The following GABRG3 variants were observed in gnomAD, a reference collection of about 807,000 sequenced individuals.
The protein encoded by GABRG3 is gamma-aminobutyric acid type A receptor subunit gamma3.
In GABRG3, 25 loss-of-function variants were observed where a neutral mutation model predicts 48.8. That is an observed-to-expected ratio of 0.51 (90% CI 0.37 to 0.72). The LOEUF (loss-of-function observed/expected upper bound fraction) is 0.72. GABRG3 is among the 30% of genes least tolerant of loss of function. The pLI is 0.00. For missense variants in GABRG3, 394 were observed against 577.9 expected, an observed-to-expected ratio of 0.68 and a Z score of 3.26; for synonymous variants, 227 against 217.6, an observed-to-expected ratio of 1.04 and a Z score of -0.38.
intron 6 of GABRG3, among the ~76,000 whole-genome samples, chr15:27,483,492 TC>T (rs1890146503): frequency 6.6e-6 from 1 of 152,206 alleles, no homozygotes; most frequent in Non-Finnish European, 1.5e-5. Flanking sequence ...GGGTTAGGAC[TC>T]TAACATCTTC....
intron 3 of GABRG3, among the ~76,000 whole-genome samples, chr15:27,139,673 A>G (rs1047283663): frequency 1.3e-5 from 2 of 152,152 alleles, no homozygotes; most frequent in Non-Finnish European, 2.9e-5. Flanking sequence ...TATAAAACAT[A>G]TATTTGGTCT....
intron 5 of GABRG3, among the ~76,000 whole-genome samples, chr15:27,395,275 T>C (rs1272878751): frequency 6.6e-6 from 1 of 152,214 alleles, no homozygotes; most frequent in Non-Finnish European, 1.5e-5. Flanking sequence ...TCATTTGCTA[T>C]ATTATACTTT....
intron 3 of GABRG3, among the ~76,000 whole-genome samples, chr15:27,153,220 A>G (rs563125984): frequency 6.6e-6 from 1 of 152,266 alleles, no homozygotes; most frequent in South Asian, 2.1e-4. Context: ...TTGCTTATGA[A>G]TATCTCATTA....
At chr15:27,086,116 G>T (rs1418563304) in intron 3 of GABRG3, among the ~76,000 whole-genome samples, 4 of 139,512 alleles carry the variant, frequency 2.9e-5, no homozygotes, top group East Asian at 2.1e-4. Context: ...AGTTTTGGCA[G>T]TTTTTTTTTT....
chr15:27,196,373 T>C (rs981083056), intron 3 of GABRG3, among the ~76,000 whole-genome samples: 1 of 152,206 alleles, frequency 6.6e-6, no homozygotes, highest in Non-Finnish European at 1.5e-5. Context: ...CCCGACTTGC[T>C]GTCTGCTCAA....
intron 7 of GABRG3, among the ~76,000 whole-genome samples, chr15:27,525,841 A>G (rs1566879534): frequency 6.6e-6 from 1 of 152,168 alleles, no homozygotes; most frequent in South Asian, 2.1e-4. Context: ...AAAAGAGCTA[A>G]TGCATGCTGG....
At chr15:27,255,805 G>C (rs1890593076) in intron 3 of GABRG3, among the ~76,000 whole-genome samples, 1 of 152,156 alleles carries the variant, frequency 6.6e-6, no homozygotes, top group Admixed American at 6.5e-5. Flanking sequence ...CTTCAGGGTG[G>C]GCAGGTTCTG....
At chr15:27,244,651 C>G (rs1377325824) in intron 3 of GABRG3, among the ~76,000 whole-genome samples, 2 of 152,052 alleles carry the variant, frequency 1.3e-5, no homozygotes, top group Non-Finnish European at 2.9e-5. Flanking sequence ...GTGGTTGTGG[C>G]GTGTTCCTGT....
intron 3 of GABRG3, among the ~76,000 whole-genome samples, chr15:27,200,628 C>A (rs1888651541): frequency 6.6e-6 from 1 of 152,160 alleles, no homozygotes; most frequent in Non-Finnish European, 1.5e-5. Flanking sequence ...CAAAGTTTTT[C>A]TGTAAGGGGC....
chr15:27,432,750 C>G (rs1232116045), intron 5 of GABRG3, among the ~76,000 whole-genome samples: 1 of 152,188 alleles, frequency 6.6e-6, no homozygotes, highest in African/African-American at 2.4e-5. Context: ...CTCAATGTAT[C>G]TCTTTCCTAT....
At chr15:27,323,859 G>T (rs148680036) in intron 3 of GABRG3, among the ~76,000 whole-genome samples, 1 of 152,162 alleles carries the variant, frequency 6.6e-6, no homozygotes, top group Admixed American at 6.5e-5. Flanking sequence ...CGTGGTTCAC[G>T]TGAGTCAGCA....
At chr15:27,449,985 TG>T (rs1465571028) in intron 5 of GABRG3, among the ~76,000 whole-genome samples, 2 of 152,238 alleles carry the variant, frequency 1.3e-5, no homozygotes, top group African/African-American at 2.4e-5. Context: ...TCACAATATA[TG>T]AAACATGATT....
intron 3 of GABRG3, among the ~76,000 whole-genome samples, chr15:27,248,803 C>CACACACACACACACAGAGAG (rs1377080195): frequency 3.6e-5 from 4 of 110,176 alleles, no homozygotes; most frequent in African/African-American, 1.2e-4. Flanking sequence ...CACACACACA[C>CACACACACACACACAGAGAG]AGAGAGAGAG....
At chr15:27,027,031 T>C (rs1895997740) in intron 3 of GABRG3, 1 of 454,222 alleles carries the variant, frequency 2.2e-6, no homozygotes, top group African/African-American at 2.0e-5. Context: ...ACTTTTAGTT[T>C]CTTCTTTCAA....
rs535260016 is a variant in GABRG3, at chr15:27,303,798, TTGTG to T, written c.271-22997_271-22994del. On this transcript the variant is annotated intron_variant, in intron 3 of 9. Transcript: ENST00000615808. The stretch of plus-strand genomic sequence containing the variant: ...CATCTATGTATATACATATATCTAT[TTGTG>T]TGTGTGTGTGTGTATATATGTATAT... 4.1e-3 allele frequency among the ~76,000 whole-genome samples: 617 copies of T among 149,904 alleles called. 2 individuals are homozygous for T. Among genetic ancestry groups the T allele is most frequent in the African/African-American group, 0.014 (574 of 40,990 alleles).
intron 2 of GABRG3, among the ~76,000 whole-genome samples, chr15:27,021,619 C>T (rs1895896532): frequency 6.6e-6 from 1 of 152,160 alleles, no homozygotes; most frequent in Non-Finnish European, 1.5e-5. Context: ...AGCGGGAAGG[C>T]TGTTTGAATC....
intron 3 of GABRG3, among the ~76,000 whole-genome samples, chr15:27,111,779 G>T (rs1897553918): frequency 6.6e-6 from 1 of 152,102 alleles, no homozygotes; most frequent in African/African-American, 2.4e-5. Flanking sequence ...CTTGTAGCAG[G>T]TCTGCATCTC....
Position 27,397,802 on chromosome 15 carries a change from ATTTT to A in GABRG3, c.574+68931_574+68934del, listed in dbSNP as rs10562407. ...TCCAAGGCATTTTCTTCTCTGAAAA[ATTTT>A]TTTTTTTTTTTTTTTTGAGACGGAG... On this transcript the variant is annotated intron_variant, in intron 5 of 9. Transcript: ENST00000615808. 3.3e-3 allele frequency among the ~76,000 whole-genome samples: 400 copies of A among 122,288 alleles called. 1 individual carries two copies. Among genetic ancestry groups the A allele is most frequent in the African/African-American group, 0.011 (359 of 33,490 alleles). The allele number at this position is 122,288 out of a possible 152,430, so 80.2% of individuals were successfully genotyped here.
At chr15:27,380,478 CAT>C (rs1895732959) in intron 5 of GABRG3, among the ~76,000 whole-genome samples, 1 of 151,470 alleles carries the variant, frequency 6.6e-6, no homozygotes, top group African/African-American at 2.4e-5. Flanking sequence ...AAGAGACAGA[CAT>C]AGTGTATTTG....
Sources: gnomAD v4.1 joint callset for allele counts (sites outside exome capture counted in the v4.1 genomes callset) on GRCh38, gnomAD v4.1.1 for gene constraint, MANE v1.5 for transcripts, NCBI Gene and HGNC (gene_info 2026-07-23, HGNC 2026-07-21) for gene names.